The following NOL4L variants were observed in gnomAD, a reference collection of about 807,000 sequenced individuals.
The protein encoded by NOL4L is nucleolar protein 4 like, also known as nucleolar protein 4-like.
A neutral mutation model predicts 64.5 loss-of-function variants in NOL4L; 7 were observed. The observed-to-expected ratio is 0.11, with a 90% CI of 0.06 to 0.20. The LOEUF (loss-of-function observed/expected upper bound fraction) is 0.20, where lower values mean the gene tolerates loss of function less well. NOL4L is among the 10% of genes least tolerant of loss of function. The probability of loss-of-function intolerance (pLI) is 1.00; values close to 1 mark genes in which losing one functional copy is unlikely to be tolerated. For missense variants in NOL4L, 680 were observed against 967.1 expected, an observed-to-expected ratio of 0.70 and a Z score of 3.94; for synonymous variants, 413 against 401.0, an observed-to-expected ratio of 1.03 and a Z score of -0.36.
chr20:32,452,404 G>C lies in NOL4L; in HGVS notation c.1654C>G (p.Arg552Gly). The C allele has an allele frequency of 6.2e-7, 1 of 1,609,360 alleles. No individual in the cohort carries two copies. Among genetic ancestry groups the C allele is most frequent in the East Asian group, 2.2e-5 (1 of 44,700 alleles). ...GAGTGGGTGATGGCTGCGGAGTCCCGCGAGTGCTGCTTGTCCAGGGCTATG... is the reference window on the plus strand; with the variant it reads ...GAGTGGGTGATGGCTGCGGAGTCCCCCGAGTGCTGCTTGTCCAGGGCTATG... ...EPIALDKQHSRDSAAITHSTY... is the reference protein window; with the variant it reads ...EPIALDKQHSGDSAAITHSTY... Residue 552 changes from arginine (R) to glycine (G), a missense_variant, in exon 10 of 11, where the codon CGG (arginine) becomes GGG (glycine). By Grantham distance (125) the Arg-to-Gly change is moderately radical (BLOSUM62 -2). Around this residue, in one of 4 missense-constraint regions of NOL4L, gnomAD observed 175 missense variants for 227.0 expected, o/e 0.77. Coordinates refer to ENST00000621426, the MANE Select transcript of NOL4L (RefSeq NM_001256798.2).
In NOL4L at chr20:32,447,274, T is replaced by G. The variant is rs1271001189; in HGVS notation, c.*322A>C. On this transcript the variant is annotated 3_prime_UTR_variant, in exon 11 of 11. Coordinates refer to ENST00000621426, the MANE Select transcript of NOL4L (RefSeq NM_001256798.2). ...ATTATCTGGGGGTGGGATTCTAACA[T>G]CAGGGTCCACGAAGGTGATTCTAAA... 1.8e-6 allele frequency: 1 copy of G among 559,244 alleles called. No homozygotes were observed. Among genetic ancestry groups the G allele is most frequent in the East Asian group, 4.3e-5 (1 of 23,172 alleles). The allele number at this position is 559,244 out of a possible 1,614,324, so 34.6% of individuals were successfully genotyped here. A position where few individuals can be genotyped will look rare whatever the true frequency, so the allele number is the denominator to read the frequency against.
intron 5 of NOL4L, among the ~76,000 whole-genome samples, chr20:32,462,461 G>T (rs932529309): frequency 6.6e-6 from 1 of 152,192 alleles, no homozygotes; most frequent in Non-Finnish European, 1.5e-5. Flanking sequence ...CATGCCCACA[G>T]AAGGGGCTGG....
At chr20:32,584,472 A>G in intron 1 of NOL4L, 98 bp downstream of exon 1, 1 of 985,132 alleles carries the variant, frequency 1.0e-6, no homozygotes. Flanking sequence ...CCTCAGGGAC[A>G]CACGTTCGGA....
At chr20:32,516,421 G>C (rs2017663780) in intron 3 of NOL4L, among the ~76,000 whole-genome samples, 1 of 152,194 alleles carries the variant, frequency 6.6e-6, no homozygotes, top group Admixed American at 6.5e-5. Context: ...CAGGAAACAA[G>C]GGTGAAGGAT....
chr20:32,476,041 G>A (rs924662395), intron 4 of NOL4L, among the ~76,000 whole-genome samples: 7 of 151,978 alleles, frequency 4.6e-5, no homozygotes, highest in Admixed American at 2.6e-4. Context: ...CCAGGGCCTC[G>A]GGGGATGGAC....
At chr20:32,508,309 T>C (rs1398108236) in intron 4 of NOL4L, among the ~76,000 whole-genome samples, 1 of 152,210 alleles carries the variant, frequency 6.6e-6, no homozygotes, top group African/African-American at 2.4e-5. Flanking sequence ...CAAGTATATG[T>C]ATTTTTAGTT....
chr20:32,453,076 C>T lies in NOL4L; in HGVS notation c.1498-70G>A. 6.3e-7 allele frequency: 1 copy of T among 1,593,316 alleles called. No individual in the cohort carries two copies. Among genetic ancestry groups the T allele is most frequent in the Non-Finnish European group, 8.5e-7 (1 of 1,171,672 alleles). Reference sequence around the variant, plus strand: ...CCCTGGGCTTGTGCAGAGACCCTGCCCCAGGGGTGGGTGGCACAGGGTGGG... The same window carrying T: ...CCCTGGGCTTGTGCAGAGACCCTGCTCCAGGGGTGGGTGGCACAGGGTGGG... On this transcript the variant is annotated intron_variant, in intron 8 of 10. Transcript: ENST00000621426. The surrounding 1 kb of genome is among the most constrained non-coding windows in gnomAD (Gnocchi z 5.6).
intron 5 of NOL4L, among the ~76,000 whole-genome samples, chr20:32,461,472 G>C (rs1353744976): frequency 6.9e-6 from 1 of 144,582 alleles, no homozygotes; most frequent in Non-Finnish European, 1.5e-5. Context: ...GCTCAGGATG[G>C]AGTACGGTGG....
intron 4 of NOL4L, among the ~76,000 whole-genome samples, chr20:32,508,391 G>A (rs2017224171): frequency 6.6e-6 from 1 of 152,190 alleles, no homozygotes; most frequent in Non-Finnish European, 1.5e-5. Flanking sequence ...AAATAATCTG[G>A]TGAGCCATGT....
intron 5 of NOL4L, among the ~76,000 whole-genome samples, chr20:32,457,873 G>A (rs535822667): frequency 6.6e-6 from 1 of 152,240 alleles, no homozygotes; most frequent in East Asian, 1.9e-4. Flanking sequence ...CAGCCTACTC[G>A]CGCCCAGTCT....
chr20:32,478,593 C>T (rs1017955754), intron 4 of NOL4L, among the ~76,000 whole-genome samples: 5 of 152,172 alleles, frequency 3.3e-5, no homozygotes, highest in African/African-American at 1.2e-4. Context: ...TTCTAAGATT[C>T]TGATATCTTG....
intron 1 of NOL4L, among the ~76,000 whole-genome samples, chr20:32,528,469 C>A (rs1453810694): frequency 1.3e-5 from 2 of 152,104 alleles, no homozygotes; most frequent in Non-Finnish European, 2.9e-5. Flanking sequence ...CACCCGGGCC[C>A]TTTGTGTGTG....
At chr20:32,462,520 C>G (rs1210728657) in intron 5 of NOL4L, among the ~76,000 whole-genome samples, 3 of 152,080 alleles carry the variant, frequency 2.0e-5, no homozygotes, top group African/African-American at 4.8e-5. Context: ...GGAGAACGCG[C>G]CTGTCACTGT....
intron 4 of NOL4L, among the ~76,000 whole-genome samples, chr20:32,479,579 A>T (rs1326071549): frequency 6.6e-6 from 1 of 152,198 alleles, no homozygotes; most frequent in African/African-American, 2.4e-5. Context: ...TTACAAAAAA[A>T]AAGTGTGTGC....
At chr20:32,557,486 G>A (rs1037282502) in intron 1 of NOL4L, among the ~76,000 whole-genome samples, 37 of 152,232 alleles carry the variant, frequency 2.4e-4, no homozygotes, top group African/African-American at 8.9e-4. Flanking sequence ...CCTCGGTTGG[G>A]CATGCCCAGT....
intron 1 of NOL4L, among the ~76,000 whole-genome samples, chr20:32,557,924 G>A (rs1435082287): frequency 6.6e-6 from 1 of 152,120 alleles, no homozygotes; most frequent in South Asian, 2.1e-4. Flanking sequence ...AAGTAGCCAG[G>A]CATGGTGGCA....
intron 1 of NOL4L, among the ~76,000 whole-genome samples, chr20:32,579,865 GC>G (rs560550716): frequency 2.1e-3 from 314 of 151,720 alleles, no homozygotes; most frequent in African/African-American, 7.6e-3. Flanking sequence ...TCTTCCAAAA[GC>G]CCCCCCAGGA....
chr20:32,512,745 T>A (rs960736880), intron 3 of NOL4L, among the ~76,000 whole-genome samples: 1 of 152,138 alleles, frequency 6.6e-6, no homozygotes. Context: ...ACATCAAGAA[T>A]CTTATTTTGC....
chr20:32,577,818 G>C (rs1470155502), intron 1 of NOL4L, among the ~76,000 whole-genome samples: 1 of 152,040 alleles, frequency 6.6e-6, no homozygotes, highest in East Asian at 1.9e-4. Flanking sequence ...CTCTATGCCG[G>C]GGACTTGGCT....
Sources: allele counts gnomAD v4.1 joint callset (sites outside exome capture counted in the v4.1 genomes callset), GRCh38; gene constraint gnomAD v4.1.1; regional missense constraint gnomAD v4.1.1; non-coding constraint Gnocchi (gnomAD v3.1); transcripts MANE v1.5; gene names NCBI Gene and HGNC (gene_info 2026-07-23, HGNC 2026-07-21).